The following EAPP variants were observed in gnomAD, a reference collection of about 807,000 sequenced individuals.
The protein encoded by EAPP is E2F-associated phosphoprotein.
In EAPP, 38 loss-of-function variants were observed where a neutral mutation model predicts 34.3. The ratio of observed to expected loss-of-function variants is 1.11; its 90% CI spans 0.85 to 1.45. The LOEUF is 1.45. EAPP is among the 40% of genes most tolerant of loss of function. EAPP has a pLI of 0.00. For missense variants in EAPP, 338 were observed against 343.7 expected, an observed-to-expected ratio of 0.98 and a Z score of 0.13; for synonymous variants, 113 against 117.6, an observed-to-expected ratio of 0.96 and a Z score of 0.25.
At chr14:34,521,172 G>A (rs779971543) in intron 5 of EAPP, among the ~76,000 whole-genome samples, 3 of 151,896 alleles carry the variant, frequency 2.0e-5, no homozygotes, top group Non-Finnish European at 2.9e-5. Flanking sequence ...GGGTACAAGC[G>A]ATTCTCCTGC....
intron 4 of EAPP, among the ~76,000 whole-genome samples, chr14:34,526,598 A>G (rs531845363): frequency 6.7e-6 from 1 of 149,688 alleles, no homozygotes; most frequent in South Asian, 2.1e-4. Flanking sequence ...AAAATAAACA[A>G]GCATAAACCG....
chr14:34,516,536 G>A lies in EAPP; in HGVS notation c.632C>T (p.Ser211Phe). 6.2e-7 allele frequency: 1 copy of A among 1,613,868 alleles called. No homozygotes were observed. Among genetic ancestry groups the A allele is most frequent in the South Asian group, 1.1e-5 (1 of 91,064 alleles). Reference protein sequence around the residue: ...QYRAMFVMNCSINKEEVLRYK... With the variant: ...QYRAMFVMNCFINKEEVLRYK... Reference sequence around the variant, plus strand: ...TCTTAGAACCTCCTCTTTGTTAATAGAACAATTCATTACAAACATTGCTCT... The same window carrying A: ...TCTTAGAACCTCCTCTTTGTTAATAAAACAATTCATTACAAACATTGCTCT... The change falls in exon 6 of 6, where the codon TCT becomes TTT. Residue 211 changes from serine (S) to phenylalanine (F), a missense_variant. Physicochemically the swap from Ser to Phe is radical, Grantham distance 155. Coordinates refer to ENST00000250454, the MANE Select transcript of EAPP (RefSeq NM_018453.4).
rs1009035860 is a variant in EAPP at position 34,516,343 on chromosome 14, A to G, written c.825T>C (p.Phe275=). Residue 275 remains phenylalanine (F), a synonymous_variant, in exon 6 of 6, where the codon TTT becomes TTC. Coordinates refer to ENST00000250454, the MANE Select transcript of EAPP (RefSeq NM_018453.4). The stretch of plus-strand genomic sequence containing the variant: ...GGCTTGCTAAAACATTGAAAAAATG[A>G]AAGACTTCATCCTTGTCGTAGACTG... The part of the protein sequence containing the change: ...EVAVYDKDEV[F]HFFNVLASHS 6.2e-7 allele frequency: 1 copy of G among 1,612,818 alleles called. No homozygotes were observed. Among genetic ancestry groups the G allele is most frequent in the Non-Finnish European group, 8.5e-7 (1 of 1,179,284 alleles).
At chr14:34,520,669 T>C (rs938714299) in intron 5 of EAPP, among the ~76,000 whole-genome samples, 1 of 151,640 alleles carries the variant, frequency 6.6e-6, no homozygotes, top group Non-Finnish European at 1.5e-5. Context: ...GCTCAGCTAA[T>C]TTTTTAATAT....
chr14:34,534,893 G>A (rs541753564), intron 2 of EAPP, among the ~76,000 whole-genome samples: 103 of 151,276 alleles, frequency 6.8e-4, no homozygotes, highest in African/African-American at 2.4e-3. Context: ...AGGCTGGAGT[G>A]CAATGGCACA....
intron 3 of EAPP, among the ~76,000 whole-genome samples, chr14:34,531,471 G>A (rs1048094242): frequency 3.3e-5 from 5 of 151,362 alleles, no homozygotes; most frequent in African/African-American, 7.3e-5. Context: ...GCGTGGTGAC[G>A]GGCACCTGTA....
At chr14:34,517,098 T>C (rs1349475170) in intron 5 of EAPP, among the ~76,000 whole-genome samples, 47 of 151,836 alleles carry the variant, frequency 3.1e-4, no homozygotes, top group East Asian at 2.5e-3. Context: ...CCACCATGCC[T>C]GGCTAATTTT....
chr14:34,529,619 C>T (rs1425031511), intron 3 of EAPP, 144 bp from the exon 4 acceptor site: 7 of 632,330 alleles, frequency 1.1e-5, no homozygotes, highest in Non-Finnish European at 1.9e-5. Flanking sequence ...GTGGCTCACA[C>T]CTGTAATCCT....
At chr14:34,524,838 A>G in intron 4 of EAPP, 31 bp from the exon 5 acceptor site, 1 of 1,543,960 alleles carries the variant, frequency 6.5e-7, no homozygotes, top group Non-Finnish European at 9.0e-7. Flanking sequence ...GGGGAGAAAA[A>G]CATATTAAAA....
chr14:34,525,791 G>A (rs952807295), intron 4 of EAPP, among the ~76,000 whole-genome samples: 15 of 152,090 alleles, frequency 9.9e-5, no homozygotes, highest in South Asian at 4.2e-4. Flanking sequence ...AGGCCGAGGC[G>A]GGCGGATCAC....
chr14:34,539,518 C>G (rs777533887), intron 1 of EAPP, 37 bp downstream of exon 1: 17 of 1,600,814 alleles, frequency 1.1e-5, no homozygotes, highest in Non-Finnish European at 1.4e-5. Context: ...AGGCCTCGAC[C>G]CAAATCCTCG....
intron 2 of EAPP, chr14:34,535,850 T>A (rs1238405174): frequency 2.7e-6 from 1 of 374,204 alleles, no homozygotes; most frequent in Non-Finnish European, 4.7e-6. Flanking sequence ...TGAGCTATGA[T>A]CATGCCACTG....
chr14:34,516,743 G>C (rs542543879), intron 5 of EAPP, among the ~76,000 whole-genome samples, 157 bp from the exon 6 acceptor site: 1 of 152,222 alleles, frequency 6.6e-6, no homozygotes, highest in African/African-American at 2.4e-5. Context: ...TTAAACAGTT[G>C]TTTTAAGAAT....
chr14:34,534,285 G>A (rs182625559), intron 2 of EAPP, among the ~76,000 whole-genome samples: 28 of 152,000 alleles, frequency 1.8e-4, no homozygotes, highest in East Asian at 7.8e-4. Context: ...GGCAACTGCC[G>A]TCACTCCCAG....
At chr14:34,533,622 T>C in intron 2 of EAPP, 83 bp from the exon 3 acceptor site, 1 of 838,788 alleles carries the variant, frequency 1.2e-6, no homozygotes, top group Non-Finnish European at 1.9e-6. Flanking sequence ...TTCCATCACC[T>C]CAAAACAATA....
chr14:34,528,881 A>T (rs1880182768), intron 4 of EAPP, among the ~76,000 whole-genome samples: 1 of 152,030 alleles, frequency 6.6e-6, no homozygotes, highest in African/African-American at 2.4e-5. Flanking sequence ...TCAAGCCTGT[A>T]ATCCCAGCAC....
At chr14:34,518,083 T>C (rs898058311) in intron 5 of EAPP, among the ~76,000 whole-genome samples, 7 of 152,046 alleles carry the variant, frequency 4.6e-5, no homozygotes, top group African/African-American at 7.2e-5. Flanking sequence ...TCTTTCCTTC[T>C]ATTAATGTTG....
rs1269086009 is a variant in EAPP at position 34,519,630 on chromosome 14, T to C, written c.582-3044A>G. The stretch of plus-strand genomic sequence containing the variant: ...ATTAAACTTCTTTCTTTATAAATTA[T>C]CCAGTCTCGGGTATTTCCTTATAGC... On this transcript the variant is annotated intron_variant, in intron 5 of 5. Coordinates refer to ENST00000250454, the MANE Select transcript of EAPP (RefSeq NM_018453.4). Among the ~76,000 whole-genome samples the C allele has an allele frequency of 2.6e-5, 4 of 152,068 alleles. No homozygotes were observed. In the South Asian group the frequency reaches 8.3e-4, roughly 32 times the overall value.
At chr14:34,524,931 C>G in intron 4 of EAPP, 124 bp from the exon 5 acceptor site, 1 of 689,788 alleles carries the variant, frequency 1.4e-6, no homozygotes, top group South Asian at 1.9e-5. Flanking sequence ...GAATAAGGAA[C>G]ACAAGATGAA....
Sources: gnomAD v4.1 joint callset for allele counts (sites outside exome capture counted in the v4.1 genomes callset) on GRCh38, gnomAD v4.1.1 for gene constraint, MANE v1.5 for transcripts, NCBI Gene and HGNC (gene_info 2026-07-23, HGNC 2026-07-21) for gene names.